Variants in MACROD2 observed in about 807,000 individuals in gnomAD.
The protein encoded by MACROD2 is ADP-ribose glycohydrolase MACROD2.
In MACROD2, 36 loss-of-function variants were observed where a neutral mutation model predicts 70.4. The ratio of observed to expected loss-of-function variants is 0.51; its 90% CI spans 0.39 to 0.68. The LOEUF (loss-of-function observed/expected upper bound fraction) is 0.68. Ranked by LOEUF, MACROD2 falls within the 30% of genes least tolerant of loss-of-function variation. The pLI is 0.00. For synonymous variants in MACROD2, 172 were observed against 178.8 expected, an observed-to-expected ratio of 0.96 and a Z score of 0.30; for missense variants, 496 against 538.4, an observed-to-expected ratio of 0.92 and a Z score of 0.78.
intron 3 of MACROD2, among the ~76,000 whole-genome samples, chr20:14,207,540 T>C (rs2081534732): frequency 6.7e-6 from 1 of 149,620 alleles, no homozygotes; most frequent in Non-Finnish European, 1.5e-5. Flanking sequence ...GGCACGTCAG[T>C]ATCTGCTACA....
Position 14,230,681 on chromosome 20 carries a change from A to G in MACROD2, c.271+144953A>G, listed in dbSNP as rs1229224844. ...ACACAGGCTGGGCCTATATATATAT[A>G]TATATATATATATATATATGGGCCC... On this transcript the variant is annotated intron_variant, in intron 3 of 17. Coordinates refer to ENST00000684519, the MANE Select transcript of MACROD2 (RefSeq NM_001351661.2). Among the ~76,000 whole-genome samples the G allele has an allele frequency of 6.1e-5, 7 of 114,422 alleles. 1 individual carries two copies. The highest frequency in any genetic ancestry group is 2.7e-4 in the Admixed American group (3 of 11,190). The allele number at this position is 114,422 out of a possible 152,430, so 75.1% of individuals were successfully genotyped here. A position where few individuals can be genotyped will look rare whatever the true frequency, so the allele number is the denominator to read the frequency against.
intron 8 of MACROD2, among the ~76,000 whole-genome samples, chr20:15,756,238 AAC>A (rs796913215): frequency 2.6e-5 from 4 of 152,312 alleles, no homozygotes; most frequent in African/African-American, 9.6e-5. Flanking sequence ...GCAGAGTGAA[AAC>A]ACAGAGTAAC....
intron 3 of MACROD2, among the ~76,000 whole-genome samples, chr20:14,305,238 C>T (rs982717270): frequency 6.6e-6 from 1 of 152,102 alleles, no homozygotes; most frequent in African/African-American, 2.4e-5. Context: ...AGACCTCTTT[C>T]ACTTTCTATT....
chr20:15,814,196 A>C (rs2063849378), intron 8 of MACROD2, among the ~76,000 whole-genome samples: 1 of 152,210 alleles, frequency 6.6e-6, no homozygotes, highest in Admixed American at 6.5e-5. Flanking sequence ...TTAACACTTT[A>C]CTATGCTCCA....
At chr20:14,856,264 T>C (rs532654732) in intron 5 of MACROD2, among the ~76,000 whole-genome samples, 2 of 152,272 alleles carry the variant, frequency 1.3e-5, no homozygotes, top group South Asian at 2.1e-4. Flanking sequence ...CATGCTTTAA[T>C]AGAGATTAAT....
intron 8 of MACROD2, among the ~76,000 whole-genome samples, chr20:15,709,845 A>G (rs965928713): frequency 1.3e-5 from 2 of 152,126 alleles, no homozygotes; most frequent in Non-Finnish European, 2.9e-5. Flanking sequence ...TGTTTACTGT[A>G]GCCACCCTAT....
Position 15,424,643 on chromosome 20 carries a change from A to C in MACROD2, c.541-6762A>C, listed in dbSNP as rs141729662. 6.0e-3 allele frequency among the ~76,000 whole-genome samples: 906 copies of C among 152,252 alleles called. 8 individuals carry two copies. Among genetic ancestry groups the C allele is most frequent in the African/African-American group, 0.02 (838 of 41,558 alleles). On this transcript the variant is annotated intron_variant, in intron 6 of 17. Coordinates refer to ENST00000684519, the MANE Select transcript of MACROD2 (RefSeq NM_001351661.2). The stretch of plus-strand genomic sequence containing the variant: ...GCTGAGGAGGGAGAATGGCTTGAGC[A>C]CAGGACTTTGAGGCTGCAGTATGAT...
At chr20:14,733,450 G>T in intron 5 of MACROD2, among the ~76,000 whole-genome samples, 1 of 152,062 alleles carries the variant, frequency 6.6e-6, no homozygotes, top group East Asian at 1.9e-4. Context: ...TTGGTTAATT[G>T]TATGATAAAA....
intron 5 of MACROD2, among the ~76,000 whole-genome samples, chr20:15,129,836 T>A (rs1389443111): frequency 6.6e-6 from 1 of 152,106 alleles, no homozygotes; most frequent in African/African-American, 2.4e-5. Flanking sequence ...GCCTCCTGGT[T>A]GCTTTTGTTG....
At chr20:15,510,467 C>A (rs1555831831) in intron 8 of MACROD2, among the ~76,000 whole-genome samples, 1 of 151,902 alleles carries the variant, frequency 6.6e-6, no homozygotes. Flanking sequence ...CAGGGAAAAA[C>A]AAAAAAGGCA....
At chr20:14,345,577 C>T (rs204614) in intron 3 of MACROD2, among the ~76,000 whole-genome samples, 3,560 of 151,628 alleles carry the variant, frequency 0.023, 142 homozygotes, top group African/African-American at 0.081. Context: ...ACTACAGGAA[C>T]GCACCACCAT....
chr20:14,591,990 C>A (rs185725792), intron 4 of MACROD2, among the ~76,000 whole-genome samples: 19 of 152,144 alleles, frequency 1.2e-4, no homozygotes, highest in African/African-American at 4.1e-4. Context: ...GACAGGAAAT[C>A]ATTGGGCAGA....
At chr20:15,301,342 A>G (rs1234655888) in intron 6 of MACROD2, among the ~76,000 whole-genome samples, 1 of 152,214 alleles carries the variant, frequency 6.6e-6, no homozygotes, top group Non-Finnish European at 1.5e-5. Context: ...GGAATGAGAC[A>G]GAAGAGTGAG....
At chr20:14,440,732 G>T (rs2084111492) in intron 3 of MACROD2, among the ~76,000 whole-genome samples, 1 of 152,152 alleles carries the variant, frequency 6.6e-6, no homozygotes, top group South Asian at 2.1e-4. Flanking sequence ...TGAATTTATG[G>T]CAGTTATTGC....
At chr20:13,998,681 C>T (rs748684092) in intron 1 of MACROD2, among the ~76,000 whole-genome samples, 3 of 152,096 alleles carry the variant, frequency 2.0e-5, no homozygotes, top group Non-Finnish European at 4.4e-5. Flanking sequence ...AAGGGCTAGG[C>T]GCGGTGGCTC....
At chr20:15,364,452 T>C (rs1224287614) in intron 6 of MACROD2, among the ~76,000 whole-genome samples, 1 of 152,224 alleles carries the variant, frequency 6.6e-6, no homozygotes, top group African/African-American at 2.4e-5. Flanking sequence ...CTTCCCTCTG[T>C]AAATATTGTC....
chr20:15,523,181 A>G (rs2047675798), intron 8 of MACROD2, among the ~76,000 whole-genome samples: 2 of 152,220 alleles, frequency 1.3e-5, no homozygotes, highest in South Asian at 2.1e-4. Flanking sequence ...GCCTGACTCC[A>G]TATGATTTAA....
intron 7 of MACROD2, among the ~76,000 whole-genome samples, chr20:15,469,797 A>G (rs2046941389): frequency 1.3e-5 from 2 of 152,192 alleles, no homozygotes; most frequent in African/African-American, 4.8e-5. Flanking sequence ...TACTCCTAGC[A>G]GTAATGTACC....
intron 3 of MACROD2, among the ~76,000 whole-genome samples, chr20:14,381,711 A>G (rs1379105744): frequency 6.6e-6 from 1 of 152,238 alleles, no homozygotes; most frequent in Non-Finnish European, 1.5e-5. Context: ...CCCTTCATCT[A>G]AGAACAGATT....
Sources: gnomAD v4.1 joint callset for allele counts (sites outside exome capture counted in the v4.1 genomes callset) on GRCh38, gnomAD v4.1.1 for gene constraint, MANE v1.5 for transcripts, NCBI Gene and HGNC (gene_info 2026-07-23, HGNC 2026-07-21) for gene names.